The following DLG2 variants were observed in gnomAD, a reference collection of about 807,000 sequenced individuals.
DLG2 encodes discs large MAGUK scaffold protein 2.
A neutral mutation model predicts 132.5 loss-of-function variants in DLG2; 45 were observed. The ratio of observed to expected loss-of-function variants is 0.34; its 90% CI spans 0.27 to 0.44. The LOEUF (loss-of-function observed/expected upper bound fraction) is 0.44. Ranked by LOEUF, DLG2 falls within the 20% of genes least tolerant of loss-of-function variation. DLG2 has a pLI of 1.00. For synonymous variants in DLG2, 424 were observed against 419.6 expected, an observed-to-expected ratio of 1.01 and a Z score of -0.13; for missense variants, 1,045 against 1,196.9, an observed-to-expected ratio of 0.87 and a Z score of 1.87.
chr11:84,565,982 A>G (rs1450884525), intron 6 of DLG2, among the ~76,000 whole-genome samples: 2 of 145,578 alleles, frequency 1.4e-5, no homozygotes, highest in Non-Finnish European at 3.0e-5. Context: ...TTTTTGAGAC[A>G]GAGTCTTGCT....
rs369474292 is a variant in DLG2, at chr11:83,630,307, A to G, written c.1940+2904T>C. Among the ~76,000 whole-genome samples the G allele has an allele frequency of 6.3e-4, 96 of 152,220 alleles. 1 individual carries two copies. The East Asian group carries it at 0.017, about 27-fold the overall frequency. On this transcript the variant is annotated intron_variant, in intron 19 of 27. Coordinates refer to ENST00000376104, the MANE Select transcript of DLG2 (RefSeq NM_001142699.3). ...CATTCTCTCTGACACCACCAGGACC[A>G]GGGCTAGAGTTGGGAGCATGCTTGT...
intron 7 of DLG2, among the ~76,000 whole-genome samples, chr11:84,370,223 C>G (rs915549400): frequency 1.3e-4 from 20 of 152,102 alleles, no homozygotes; most frequent in African/African-American, 4.8e-4. Flanking sequence ...TGAGCTGCCT[C>G]TCACCTAAAA....
At chr11:84,643,785 A>G (rs912648878) in intron 6 of DLG2, among the ~76,000 whole-genome samples, 10 of 152,342 alleles carry the variant, frequency 6.6e-5, no homozygotes, top group Non-Finnish European at 1.5e-4. Context: ...GCCAATGGGC[A>G]TACAAGCCTG....
chr11:83,622,272 C>T (rs967546441), intron 19 of DLG2, among the ~76,000 whole-genome samples: 3 of 152,150 alleles, frequency 2.0e-5, no homozygotes, highest in East Asian at 3.9e-4. Flanking sequence ...TCATTTTGCA[C>T]CGGGCCCCTG....
At chr11:85,482,379 A>C (rs73503552) in intron 3 of DLG2, among the ~76,000 whole-genome samples, 5,209 of 152,230 alleles carry the variant, frequency 0.034, 287 homozygotes, top group African/African-American at 0.12. Flanking sequence ...TTCCCAGTGC[A>C]AGGCCAGTCC....
In DLG2 at chr11:85,109,377, A is replaced by G. The variant is rs1321488094; in HGVS notation, c.357+2284T>C. Among the ~76,000 whole-genome samples the G allele has an allele frequency of 5.3e-5, 8 of 152,222 alleles. No homozygotes were observed. The East Asian group carries it at 1.6e-3, about 30-fold the overall frequency. ...CTCTCACCTGACCACAGCACTGAGA[A>G]TAAGACTTTAATGCTGGCGCTCTGA... On this transcript the variant is annotated intron_variant, in intron 6 of 27. Transcript: ENST00000376104.
At chr11:84,580,210 G>A (rs2099513127) in intron 6 of DLG2, among the ~76,000 whole-genome samples, 1 of 152,108 alleles carries the variant, frequency 6.6e-6, no homozygotes. Flanking sequence ...TATGCTGTGG[G>A]TTTCATCAAG....
chr11:84,236,013 T>C (rs2097153257), intron 8 of DLG2, among the ~76,000 whole-genome samples: 1 of 151,296 alleles, frequency 6.6e-6, no homozygotes, highest in African/African-American at 2.4e-5. Flanking sequence ...TTTTCATATC[T>C]GTACTGTGAG....
chr11:84,650,731 A>G (rs2099680495), intron 6 of DLG2, among the ~76,000 whole-genome samples: 1 of 151,802 alleles, frequency 6.6e-6, no homozygotes, highest in African/African-American at 2.4e-5. Context: ...TATGCTTCAG[A>G]GGCTCTCCCA....
At chr11:85,155,654 G>T (rs1477776058) in intron 4 of DLG2, among the ~76,000 whole-genome samples, 1 of 152,104 alleles carries the variant, frequency 6.6e-6, no homozygotes, top group Non-Finnish European at 1.5e-5. Context: ...TGGATCACCT[G>T]AGGTCAGGAG....
chr11:84,637,036 T>C lies in DLG2; in HGVS notation c.358-102305A>G, dbSNP rs576904776. Among the ~76,000 whole-genome samples, 16 of 152,032 alleles carry C rather than the reference T, an allele frequency of 1.1e-4. No individual in the cohort carries two copies. In the South Asian group the frequency reaches 3.1e-3, roughly 30 times the overall value. Reference sequence around the variant, plus strand: ...CTCCTGACCTCAGATGATCTGCCCATGTCGGCCTCCCAGAGTGCTGGGATT... The same window carrying C: ...CTCCTGACCTCAGATGATCTGCCCACGTCGGCCTCCCAGAGTGCTGGGATT... On this transcript the variant is annotated intron_variant, in intron 6 of 27. Transcript: ENST00000376104.
chr11:84,591,329 TTTTGTTTGTTTG>T (rs1318385239), intron 6 of DLG2, among the ~76,000 whole-genome samples: 6 of 149,064 alleles, frequency 4.0e-5, no homozygotes, highest in Non-Finnish European at 5.9e-5. Flanking sequence ...TTTTTTTTTG[TTTTGTTTGTTTG>T]TTTGTTTGTT....
rs1478837449 is a variant in DLG2 at position 85,446,210 on chromosome 11, T to C, written c.40+152447A>G. ...TGAGAACATTTAAAGGTCTTTTAAC[T>C]TCATTAGGGATTTTAAGTCTGATAG... On this transcript the variant is annotated intron_variant, in intron 3 of 27. Coordinates refer to ENST00000376104, the MANE Select transcript of DLG2 (RefSeq NM_001142699.3). Among the ~76,000 whole-genome samples the C allele has an allele frequency of 2.6e-5, 4 of 152,214 alleles. No individual in the cohort carries two copies. The East Asian group carries it at 5.8e-4, about 22-fold the overall frequency.
rs2091568376 is a variant in DLG2 at position 85,437,758 on chromosome 11, G to A, written c.41-152393C>T. Among the ~76,000 whole-genome samples, 3 of 151,184 alleles carry A rather than the reference G, an allele frequency of 2.0e-5. No homozygotes were observed. The South Asian group carries it at 6.3e-4, about 32-fold the overall frequency. On this transcript the variant is annotated intron_variant, in intron 3 of 27. Coordinates refer to ENST00000376104, the MANE Select transcript of DLG2 (RefSeq NM_001142699.3). ...ATGGAACTAATATAAGTTAATTTAG[G>A]AAATATAGAAGATATGTATAATTAA...
At chr11:84,914,950 G>A (rs1021304136) in intron 6 of DLG2, among the ~76,000 whole-genome samples, 3 of 152,148 alleles carry the variant, frequency 2.0e-5, no homozygotes, top group Non-Finnish European at 4.4e-5. Flanking sequence ...ATGTAAGTGG[G>A]TAGGCTAAAT....
chr11:85,338,789 C>G (rs2082296015), intron 3 of DLG2, among the ~76,000 whole-genome samples: 1 of 150,854 alleles, frequency 6.6e-6, no homozygotes, highest in Admixed American at 6.6e-5. Context: ...ACTGCAGGCT[C>G]CGCCTCCCGG....
intron 6 of DLG2, among the ~76,000 whole-genome samples, chr11:84,996,201 ATTTAT>A (rs1484384987): frequency 6.6e-6 from 1 of 151,870 alleles, no homozygotes; most frequent in Non-Finnish European, 1.5e-5. Flanking sequence ...GTTTGTTTTT[ATTTAT>A]TTATCTTGGA....
chr11:83,791,164 T>C, intron 17 of DLG2: 2 of 643,912 alleles, frequency 3.1e-6, no homozygotes, highest in Non-Finnish European at 2.8e-6. Context: ...GAAGAGGCCA[T>C]GGCATGGGAC....
intron 15 of DLG2, among the ~76,000 whole-genome samples, chr11:83,881,759 A>G (rs2066324769): frequency 1.3e-5 from 2 of 152,344 alleles, no homozygotes; most frequent in East Asian, 1.9e-4. Context: ...GGTGATTTGC[A>G]TACTAACAAA....
Sources: allele counts gnomAD v4.1 joint callset (sites outside exome capture counted in the v4.1 genomes callset), GRCh38; gene constraint gnomAD v4.1.1; transcripts MANE v1.5; gene names NCBI Gene and HGNC (gene_info 2026-07-23, HGNC 2026-07-21).